Variants in C6 observed in about 807,000 individuals in gnomAD.
C6 encodes the protein complement C6, also known as complement component C6.
In C6, 101 loss-of-function variants were observed where a neutral mutation model predicts 112.9. The ratio of observed to expected loss-of-function variants is 0.89; its 90% CI spans 0.76 to 1.06. C6 has a LOEUF of 1.06. C6 is among the 50% of genes least tolerant of loss of function. C6 has a pLI of 0.00. For missense variants in C6, 1,202 were observed against 1,104.6 expected, an observed-to-expected ratio of 1.09 and a Z score of -1.25; for synonymous variants, 431 against 384.1, an observed-to-expected ratio of 1.12 and a Z score of -1.43.
rs1385147824 is a variant in C6 at position 41,213,515 on chromosome 5, GT to G, written c.-161del. 3.0e-6 allele frequency: 3 copies of G among 985,114 alleles called. No individual in the cohort carries two copies. The Admixed American group carries it at 1.8e-4, about 61-fold the overall frequency. The allele number at this position is 985,114 out of a possible 1,614,324, so 61.0% of individuals were successfully genotyped here. ...TTGCTAGCTAACACAAGGCAATGCT[GT>G]CATATCCCAGAAGCCTAGCAACACC... On this transcript the variant is annotated 5_prime_UTR_variant, in exon 1 of 18. An upstream open reading frame in the 5' UTR loses its in-frame stop. Transcript: ENST00000337836.
chr5:41,176,117 G>T (rs906855467), intron 8 of C6, among the ~76,000 whole-genome samples: 2 of 152,076 alleles, frequency 1.3e-5, no homozygotes, highest in African/African-American at 4.8e-5. Flanking sequence ...TTATCTTTTA[G>T]AATTTAGTGC....
At chr5:41,212,045 T>C (rs1228253533) in intron 1 of C6, among the ~76,000 whole-genome samples, 1 of 152,200 alleles carries the variant, frequency 6.6e-6, no homozygotes, top group East Asian at 1.9e-4. Context: ...TAAATTAAGA[T>C]GGTAACATTA....
chr5:41,246,165 T>A (rs888934687), intron 1 of C6, among the ~76,000 whole-genome samples: 40 of 152,176 alleles, frequency 2.6e-4, no homozygotes, highest in African/African-American at 9.4e-4. Context: ...CTCCAAATTT[T>A]AGTCCCAGTC....
intron 1 of C6, among the ~76,000 whole-genome samples, chr5:41,232,959 C>G (rs1382338272): frequency 3.3e-5 from 5 of 151,968 alleles, no homozygotes; most frequent in African/African-American, 4.8e-5. Flanking sequence ...TTAAATACAG[C>G]AGATATTTTA....
chr5:41,233,498 A>T (rs1225456846), intron 1 of C6, among the ~76,000 whole-genome samples: 1 of 152,102 alleles, frequency 6.6e-6, no homozygotes, highest in Non-Finnish European at 1.5e-5. Flanking sequence ...TATTTACAAG[A>T]TGGCAAAGGG....
chr5:41,216,043 C>T (rs1752185831), upstream of C6, among the ~76,000 whole-genome samples: 1 of 152,070 alleles, frequency 6.6e-6, no homozygotes, highest in Non-Finnish European at 1.5e-5. Flanking sequence ...GCAGATTGAA[C>T]TATTTCAATT....
At chr5:41,250,479 T>A (rs1741283302) in intron 1 of C6, among the ~76,000 whole-genome samples, 1 of 152,208 alleles carries the variant, frequency 6.6e-6, no homozygotes. Context: ...ATGAAAGTTA[T>A]TGTCTCTATC....
At chr5:41,240,932 G>A (rs930123309) in intron 1 of C6, among the ~76,000 whole-genome samples, 1 of 152,150 alleles carries the variant, frequency 6.6e-6, no homozygotes, top group African/African-American at 2.4e-5. Flanking sequence ...TCGGATGACC[G>A]GCATTATTGG....
In C6 at chr5:41,147,739, G is replaced by A. The variant is rs1271146047; in HGVS notation, c.2623+1502C>T. On this transcript the variant is annotated intron_variant, in intron 17 of 17. Transcript: ENST00000337836. Reference sequence around the variant, plus strand: ...AAATATCTCTAACTGTTTGGGTTCTGTTGTAATCTCCAATCCGTCTTTTGA... The same window carrying A: ...AAATATCTCTAACTGTTTGGGTTCTATTGTAATCTCCAATCCGTCTTTTGA... Among the ~76,000 whole-genome samples, 5 of 152,304 alleles carry A rather than the reference G, an allele frequency of 3.3e-5. No individual in the cohort carries two copies. The South Asian group carries it at 1.0e-3, about 32-fold the overall frequency.
At chr5:41,161,449 C>A (rs894564460) in intron 10 of C6, among the ~76,000 whole-genome samples, 1 of 152,066 alleles carries the variant, frequency 6.6e-6, no homozygotes, top group African/African-American at 2.4e-5. Flanking sequence ...CACTAAGTTC[C>A]ATTTCCTGGT....
chr5:41,159,892 A>G (rs1234750717), intron 11 of C6, among the ~76,000 whole-genome samples: 1 of 152,122 alleles, frequency 6.6e-6, no homozygotes, highest in East Asian at 1.9e-4. Context: ...TATTCCTTAG[A>G]TAGATACTGG....
intron 1 of C6, among the ~76,000 whole-genome samples, chr5:41,218,895 C>T (rs1738993484): frequency 6.6e-6 from 1 of 152,218 alleles, no homozygotes; most frequent in Non-Finnish European, 1.5e-5. Flanking sequence ...CCCTGTGAAA[C>T]TCAGCTGCAC....
chr5:41,176,686 C>T lies in C6; in HGVS notation c.957G>A (p.Val319=), dbSNP rs1410535491. 6 of 1,612,102 alleles carry T rather than the reference C, an allele frequency of 3.7e-6. No individual in the cohort carries two copies. The highest frequency in any genetic ancestry group is 5.1e-6 in the Non-Finnish European group (6 of 1,178,758). Residue 319 remains valine, a synonymous_variant, in exon 8 of 18, where the codon GTG becomes GTA. Transcript: ENST00000337836. Reference sequence around the variant, plus strand: ...TCGTTGTGAAGTTTAAGACTTTCATCACTTTATGGATCCTAATAAAACTAG... The same window carrying T: ...TCGTTGTGAAGTTTAAGACTTTCATTACTTTATGGATCCTAATAAAACTAG... ...KDSSFIRIHK[V]MKVLNFTTKA... is the part of the protein sequence containing the mutation.
intron 1 of C6, 60 bp from the exon 2 acceptor site, chr5:41,203,310 T>C (rs1580182824): frequency 6.5e-7 from 1 of 1,528,654 alleles, no homozygotes; most frequent in East Asian, 2.3e-5. Flanking sequence ...CCTTCACAAG[T>C]CATCCTGAGT....
At chr5:41,196,658 ACTAT>A (rs1239339116) in intron 4 of C6, among the ~76,000 whole-genome samples, 1 of 151,098 alleles carries the variant, frequency 6.6e-6, no homozygotes, top group Non-Finnish European at 1.5e-5. Flanking sequence ...AAATATATCT[ACTAT>A]CTATTTTACT....
intron 1 of C6, among the ~76,000 whole-genome samples, chr5:41,234,334 T>C (rs942471967): frequency 6.7e-6 from 1 of 148,582 alleles, no homozygotes. Flanking sequence ...TATTCTACCC[T>C]TTCGTTTTTT....
At position 41,154,986 on chromosome 5, in the gene C6, T is replaced by C. The variant is rs41271067; in HGVS notation, c.2087A>G (p.Asp696Gly). The C allele has an allele frequency of 0.01, 16,695 of 1,613,696 alleles. 120 individuals carry two copies. The highest frequency in any genetic ancestry group is 0.013 in the Non-Finnish European group (15,113 of 1,179,664). The change falls in exon 14 of 18, where the codon GAT (aspartate) becomes GGT (glycine). Residue 696 changes from aspartate to glycine, a missense_variant. By Grantham distance (94) the Asp-to-Gly change is moderately conservative. Coordinates refer to ENST00000337836, the MANE Select transcript of C6 (RefSeq NM_000065.5). ...CLPDGTWRQG[D>G]VECQRTECIK... ...CCAGTTCTCACGTTGGCATTCCACA[T>C]CCCCTTGTCTCCAGGTCCCGTCTGG...
intron 9 of C6, among the ~76,000 whole-genome samples, chr5:41,165,303 C>G (rs560789686): frequency 1.3e-5 from 2 of 152,244 alleles, no homozygotes; most frequent in East Asian, 1.9e-4. Flanking sequence ...AGTAGAGTTT[C>G]TAAGTCATAA....
At chr5:41,161,974 G>A (rs542161055) in intron 9 of C6, 115 bp from the exon 10 acceptor site, 246 of 963,264 alleles carry the variant, frequency 2.6e-4, no homozygotes, top group Admixed American at 8.0e-4. Context: ...ACAGTATGTA[G>A]CTCCATTAAG....
Sources: gnomAD v4.1 joint callset for allele counts (sites outside exome capture counted in the v4.1 genomes callset) on GRCh38, gnomAD v4.1.1 for gene constraint, MANE v1.5 for transcripts, NCBI Gene and HGNC (gene_info 2026-07-23, HGNC 2026-07-21) for gene names.